Variants in CASD1 observed in about 807,000 individuals in gnomAD.
The protein encoded by CASD1 is CAS1 domain sialic acid O acetyltransferase 1, also known as N-acetylneuraminate (7)9-O-acetyltransferase.
A neutral mutation model predicts 100.0 loss-of-function variants in CASD1; 41 were observed. The ratio of observed to expected loss-of-function variants is 0.41; its 90% CI spans 0.32 to 0.53. The LOEUF (loss-of-function observed/expected upper bound fraction) is 0.53. Among genes scored for constraint, CASD1 ranks in the 20% least tolerant of loss-of-function variants. The pLI, the probability that CASD1 is intolerant of heterozygous loss-of-function variation, is 0.25. For missense variants in CASD1, 774 were observed against 948.7 expected, an observed-to-expected ratio of 0.82 and a Z score of 2.42; for synonymous variants, 321 against 315.6, an observed-to-expected ratio of 1.02 and a Z score of -0.18.
chr7:94,566,355 T>C, the CASD1 span, among the ~76,000 whole-genome samples: 1 of 151,898 alleles, frequency 6.6e-6, no homozygotes, highest in Non-Finnish European at 1.5e-5. Flanking sequence ...AAAGAATAGC[T>C]CAAGCATATA....
intron 1 of CASD1, among the ~76,000 whole-genome samples, chr7:94,512,168 A>G (rs1793744289): frequency 6.6e-6 from 1 of 152,242 alleles, no homozygotes; most frequent in Non-Finnish European, 1.5e-5. Flanking sequence ...AGAGGTGGCC[A>G]ATCTTTTGGC....
At chr7:94,618,589 A>T in the CASD1 span, 1 of 607,820 alleles carries the variant, frequency 1.6e-6, no homozygotes, top group Non-Finnish European at 2.8e-6. Flanking sequence ...AACCACTAAC[A>T]CAACATCTTT....
chr7:94,561,285 A>C (rs1166642164), downstream of CASD1, among the ~76,000 whole-genome samples: 1 of 152,176 alleles, frequency 6.6e-6, no homozygotes, highest in Non-Finnish European at 1.5e-5. Flanking sequence ...GAGAGCTCTT[A>C]TAGTTTAGAA....
At chr7:94,616,828 T>C in the CASD1 span, 1 of 152,334 alleles carries the variant, frequency 6.6e-6, no homozygotes, top group African/African-American at 2.4e-5. Flanking sequence ...GTAATAGAGC[T>C]GGCATTGCGT....
chr7:94,541,409 CATT>C (rs1186518653), intron 10 of CASD1, among the ~76,000 whole-genome samples: 1 of 151,470 alleles, frequency 6.6e-6, no homozygotes, highest in Non-Finnish European at 1.5e-5. Context: ...TATGGTCTGA[CATT>C]ATCATTGTTA....
chr7:94,548,259 A>G (rs899930011), intron 13 of CASD1, among the ~76,000 whole-genome samples: 2 of 151,868 alleles, frequency 1.3e-5, no homozygotes, highest in Non-Finnish European at 2.9e-5. Context: ...TGTCTTTCAC[A>G]AAATAGTGCT....
intron 5 of CASD1, among the ~76,000 whole-genome samples, chr7:94,530,637 GC>G (rs1318680402): frequency 6.6e-6 from 1 of 152,096 alleles, no homozygotes; most frequent in Non-Finnish European, 1.5e-5. Context: ...AAAGAAACTG[GC>G]AGTTTAGATG....
At chr7:94,583,854 T>TAAAAC in the CASD1 span, among the ~76,000 whole-genome samples, 15 of 152,140 alleles carry the variant, frequency 9.9e-5, no homozygotes, top group South Asian at 4.2e-4. Context: ...CTCACTTTGT[T>TAAAAC]AAAACAAAAC....
intron 1 of CASD1, among the ~76,000 whole-genome samples, chr7:94,514,892 A>AGTTTT (rs1157576063): frequency 1.3e-5 from 2 of 151,998 alleles, no homozygotes; most frequent in African/African-American, 4.8e-5. Flanking sequence ...TAACAACCGA[A>AGTTTT]GTTTTGTTTT....
chr7:94,611,078 A>G, the CASD1 span, among the ~76,000 whole-genome samples: 17 of 152,192 alleles, frequency 1.1e-4, no homozygotes, highest in African/African-American at 4.1e-4. Flanking sequence ...GCTTTGGAAA[A>G]CAGTCTGGCA....
chr7:94,574,198 T>C, the CASD1 span, among the ~76,000 whole-genome samples: 1 of 152,152 alleles, frequency 6.6e-6, no homozygotes, highest in African/African-American at 2.4e-5. Context: ...CTTTTTTGTT[T>C]TATGTCTCTG....
intron 5 of CASD1, among the ~76,000 whole-genome samples, chr7:94,531,418 G>A (rs1015432510): frequency 1.3e-5 from 2 of 152,072 alleles, no homozygotes; most frequent in African/African-American, 4.8e-5. Context: ...CAGACTTGTC[G>A]GATGAATTTT....
intron 8 of CASD1, 145 bp from the exon 9 acceptor site, chr7:94,537,327 A>T (rs915570124): frequency 4.2e-6 from 3 of 715,332 alleles, no homozygotes; most frequent in Non-Finnish European, 7.0e-6. Flanking sequence ...GAATACCATT[A>T]TTTGCATGAT....
downstream of CASD1, among the ~76,000 whole-genome samples, chr7:94,557,613 A>G (rs1796250515): frequency 6.6e-6 from 1 of 152,044 alleles, no homozygotes. Flanking sequence ...TTTTGGAAGC[A>G]CTTATGTCTT....
At chr7:94,579,727 G>C in the CASD1 span, among the ~76,000 whole-genome samples, 1 of 152,136 alleles carries the variant, frequency 6.6e-6, no homozygotes, top group Non-Finnish European at 1.5e-5. Context: ...ATCAGATCCT[G>C]TGGTTTCAGT....
the CASD1 span, chr7:94,619,630 T>TA: frequency 6.6e-6 from 1 of 152,208 alleles, no homozygotes; most frequent in Non-Finnish European, 1.5e-5. Context: ...ATTGTTCTCT[T>TA]ACGATAAATA....
the CASD1 span, chr7:94,600,794 C>T: frequency 6.2e-7 from 1 of 1,613,388 alleles, no homozygotes; most frequent in East Asian, 2.2e-5. Flanking sequence ...TCTCCACCAT[C>T]AGGTAAAATC....
the CASD1 span, among the ~76,000 whole-genome samples, chr7:94,581,435 C>T: frequency 1.3e-5 from 2 of 151,990 alleles, no homozygotes; most frequent in African/African-American, 2.4e-5. Flanking sequence ...CATAGGTAAA[C>T]GTGTGCCATA....
At chr7:94,631,325 A>T in the CASD1 span, among the ~76,000 whole-genome samples, 17 of 151,674 alleles carry the variant, frequency 1.1e-4, no homozygotes, top group Non-Finnish European at 1.5e-5. Flanking sequence ...GTTTGATACC[A>T]CAATGTACCC....
Sources: gnomAD v4.1 joint callset for allele counts (sites outside exome capture counted in the v4.1 genomes callset) on GRCh38, gnomAD v4.1.1 for gene constraint, MANE v1.5 for transcripts, NCBI Gene and HGNC (gene_info 2026-07-23, HGNC 2026-07-21) for gene names.